Variants in DEUP1 observed in about 807,000 individuals in gnomAD.
DEUP1 encodes coiled-coil domain containing 67.
A neutral mutation model predicts 87.4 loss-of-function variants in DEUP1; 82 were observed. The ratio of observed to expected loss-of-function variants is 0.94; its 90% CI spans 0.78 to 1.13. The LOEUF (loss-of-function observed/expected upper bound fraction) is 1.13. DEUP1 is among the 50% of genes most tolerant of loss of function. The pLI is 0.00. For synonymous variants in DEUP1, 214 were observed against 222.7 expected (o/e 0.96, Z 0.35); for missense variants, 663 against 681.5 (o/e 0.97, Z 0.30).
intron 13 of DEUP1, among the ~76,000 whole-genome samples, chr11:93,420,541 T>C (rs1347636130): frequency 1.4e-5 from 2 of 146,896 alleles, no homozygotes; most frequent in Non-Finnish European, 3.0e-5. Flanking sequence ...CTATTCAACA[T>C]AGTGTTGGAA....
intron 7 of DEUP1, among the ~76,000 whole-genome samples, chr11:93,372,064 G>C (rs1157312984): frequency 1.0e-4 from 15 of 150,184 alleles, no homozygotes; most frequent in Non-Finnish European, 2.1e-4. Context: ...AAGTAGCTGG[G>C]ACTACAGGCG....
At chr11:93,428,229 A>G (rs1444947085) in intron 13 of DEUP1, among the ~76,000 whole-genome samples, 2 of 152,144 alleles carry the variant, frequency 1.3e-5, no homozygotes, top group Non-Finnish European at 2.9e-5. Flanking sequence ...GATTAAGAAA[A>G]TGTGGCACAT....
At chr11:93,348,860 T>C (rs1371880046) in intron 2 of DEUP1, among the ~76,000 whole-genome samples, 1 of 152,162 alleles carries the variant, frequency 6.6e-6, no homozygotes, top group Non-Finnish European at 1.5e-5. Flanking sequence ...ATATGATCAT[T>C]ATAGCAATGT....
intron 11 of DEUP1, among the ~76,000 whole-genome samples, chr11:93,407,500 T>C (rs888603016): frequency 2.0e-5 from 3 of 152,154 alleles, no homozygotes; most frequent in African/African-American, 7.2e-5. Flanking sequence ...TAAGTAGGCA[T>C]ACATTATAAT....
intron 7 of DEUP1, among the ~76,000 whole-genome samples, chr11:93,378,321 T>C (rs974015212): frequency 1.3e-5 from 2 of 152,130 alleles, no homozygotes; most frequent in Non-Finnish European, 2.9e-5. Flanking sequence ...TTTTTTGTCT[T>C]TGTCAGATTG....
At chr11:93,398,616 C>A (rs947768073) in intron 11 of DEUP1, among the ~76,000 whole-genome samples, 1 of 151,990 alleles carries the variant, frequency 6.6e-6, no homozygotes, top group Non-Finnish European at 1.5e-5. Flanking sequence ...TCCCTGAGTA[C>A]CAGGTGAACA....
chr11:93,418,315 C>G (rs372464532), intron 13 of DEUP1, among the ~76,000 whole-genome samples: 12 of 151,148 alleles, frequency 7.9e-5, no homozygotes, highest in East Asian at 5.8e-4. Context: ...AATCTACAAT[C>G]AACTCAAACA....
intron 2 of DEUP1, among the ~76,000 whole-genome samples, chr11:93,336,087 T>C (rs564872664): frequency 9.9e-5 from 15 of 152,250 alleles, no homozygotes; most frequent in Non-Finnish European, 2.1e-4. Flanking sequence ...CACTCCAGCC[T>C]GGGCAACAAG....
At chr11:93,411,141 G>A (rs1947424487) in intron 12 of DEUP1, 1 of 152,182 alleles carries the variant, frequency 6.6e-6, no homozygotes, top group Non-Finnish European at 1.5e-5. Flanking sequence ...ATATCTCTCT[G>A]TTAATGCTAG....
rs528892196 is a variant in DEUP1, at chr11:93,339,678, G to A, written c.29+7390G>A. Among the ~76,000 whole-genome samples, 24 of 152,214 alleles carry A rather than the reference G, an allele frequency of 1.6e-4. No homozygotes were observed. In the South Asian group the frequency reaches 2.3e-3, roughly 14 times the overall value. On this transcript the variant is annotated intron_variant, in intron 2 of 13. Transcript: ENST00000298050. ...GGGAGACTTACCATAGCAAAGGAAC[G>A]CAAGACACTTTGAGTGGTAATGATA... is the stretch of plus-strand genomic sequence containing the variant.
At chr11:93,353,825 G>T (rs758010578) in intron 2 of DEUP1, among the ~76,000 whole-genome samples, 16 of 152,204 alleles carry the variant, frequency 1.1e-4, no homozygotes, top group Non-Finnish European at 1.9e-4. Context: ...CACGGCATGG[G>T]GACCCTGGGC....
intron 3 of DEUP1, 114 bp from the exon 4 acceptor site, chr11:93,356,834 T>C (rs1288549437): frequency 4.3e-6 from 3 of 695,524 alleles, no homozygotes; most frequent in Non-Finnish European, 7.6e-6. Flanking sequence ...TACAAATATT[T>C]ACTCTTGGTT....
At chr11:93,417,484 G>A (rs1947685289) in intron 13 of DEUP1, among the ~76,000 whole-genome samples, 1 of 152,090 alleles carries the variant, frequency 6.6e-6, no homozygotes, top group African/African-American at 2.4e-5. Context: ...GGAAGTGAAG[G>A]ACCTCTTCAG....
intron 4 of DEUP1, 30 bp downstream of exon 4, chr11:93,357,073 C>T: frequency 7.7e-7 from 1 of 1,293,372 alleles, no homozygotes; most frequent in Admixed American, 2.6e-5. Flanking sequence ...TTTAATATCA[C>T]ACATTTTGAT....
chr11:93,403,469 A>C (rs909204217), intron 11 of DEUP1, among the ~76,000 whole-genome samples: 2 of 151,748 alleles, frequency 1.3e-5, no homozygotes, highest in African/African-American at 4.8e-5. Flanking sequence ...TTGTTTTATT[A>C]TTACTAAAGG....
chr11:93,359,356 T>C (rs1281965346), intron 4 of DEUP1, among the ~76,000 whole-genome samples: 2 of 152,232 alleles, frequency 1.3e-5, no homozygotes, highest in Non-Finnish European at 1.5e-5. Flanking sequence ...GAGTTATTTT[T>C]TTTCCTTCTA....
intron 1 of DEUP1, among the ~76,000 whole-genome samples, chr11:93,331,973 A>G (rs1378008043): frequency 3.3e-5 from 5 of 152,152 alleles, no homozygotes; most frequent in Non-Finnish European, 7.3e-5. Context: ...CCTGGGAGGC[A>G]GAGGTTGCAG....
intron 10 of DEUP1, among the ~76,000 whole-genome samples, 195 bp downstream of exon 10, chr11:93,394,851 G>A (rs1316602007): frequency 2.0e-5 from 3 of 152,062 alleles, no homozygotes; most frequent in African/African-American, 7.2e-5. Context: ...AAGGACTAGG[G>A]AAATGACAGT....
chr11:93,404,525 C>T (rs890567619), intron 11 of DEUP1, among the ~76,000 whole-genome samples: 6 of 152,014 alleles, frequency 3.9e-5, no homozygotes, highest in African/African-American at 1.4e-4. Flanking sequence ...TGAAAATTAA[C>T]ATACCAACTA....
Sources: gnomAD v4.1 joint callset for allele counts (sites outside exome capture counted in the v4.1 genomes callset) on GRCh38, gnomAD v4.1.1 for gene constraint, MANE v1.5 for transcripts, NCBI Gene and HGNC (gene_info 2026-07-23, HGNC 2026-07-21) for gene names.